The following DRAXIN variants were observed in gnomAD, a reference collection of about 807,000 sequenced individuals.
The protein encoded by DRAXIN is dorsal repulsive axon guidance protein.
In DRAXIN, 27 loss-of-function variants were observed where a neutral mutation model predicts 33.9. The observed-to-expected ratio is 0.80, with a 90% CI of 0.59 to 1.10. DRAXIN has a LOEUF of 1.10. Among genes scored for constraint, DRAXIN ranks in the 50% least tolerant of loss-of-function variants. DRAXIN has a pLI of 0.00. For synonymous variants in DRAXIN, 178 were observed against 194.0 expected (o/e 0.92, Z 0.69); for missense variants, 371 against 460.8 (o/e 0.81, Z 1.78).
rs149416607 is a variant in DRAXIN, at chr1:11,717,713, G to A, written c.938-1871G>A. ...GAAGTGGGCATTGGAGGCCAGGCGG[G>A]GTGGTTCATGCCTGTAATCCCAGCA... On this transcript the variant is annotated intron_variant, in intron 6 of 6. Transcript: ENST00000294485. 6.5e-3 allele frequency among the ~76,000 whole-genome samples: 953 copies of A among 147,322 alleles called. 6 individuals are homozygous for A. Among genetic ancestry groups the A allele is most frequent in the African/African-American group, 0.021 (822 of 39,832 alleles).
chr1:11,716,161 A>G (rs1442099746), intron 6 of DRAXIN, among the ~76,000 whole-genome samples: 3 of 152,120 alleles, frequency 2.0e-5, no homozygotes, highest in African/African-American at 7.2e-5. Flanking sequence ...GAGCCACCAC[A>G]CCCAGCCAGT....
chr1:11,688,771 T>C (rs1570297601), upstream of DRAXIN, among the ~76,000 whole-genome samples: 1 of 152,246 alleles, frequency 6.6e-6, no homozygotes, highest in East Asian at 1.9e-4. The surrounding 1 kb of genome is among the most constrained non-coding windows in gnomAD (Gnocchi z 4.6). Context: ...TATTCCCAGA[T>C]GGCTAAGGCA....
rs757992905 is a variant in DRAXIN, at chr1:11,709,263, C to T, written c.452-12C>T. Reference sequence around the variant, plus strand: ...CAGATATAGCCCCCGTGCTCCCCACCCTGTGTCTCAGGCCGAGCCTTGGTC... The same window carrying T: ...CAGATATAGCCCCCGTGCTCCCCACTCTGTGTCTCAGGCCGAGCCTTGGTC... On this transcript the variant is annotated splice_polypyrimidine_tract_variant and intron_variant, in intron 2 of 6. Transcript: ENST00000294485. 1.1e-5 allele frequency: 17 copies of T among 1,604,302 alleles called. No homozygotes were observed. The Admixed American group carries it at 2.4e-4, about 22-fold the overall frequency.
rs1641674306 is a variant in DRAXIN, at chr1:11,722,805, T to C, written c.*3109T>C. On this transcript the variant is annotated 3_prime_UTR_variant, in exon 7 of 7. Transcript: ENST00000294485. ...GTGAATTCTGTATACTTTTCACATG[T>C]CACAAAATATTATTCTCTCTTTCCT... 6.5e-6 allele frequency: 1 copy of C among 153,350 alleles called. No individual in the cohort carries two copies. The highest frequency in any genetic ancestry group is 1.5e-5 in the Non-Finnish European group (1 of 68,040). The allele number at this position is 153,350 out of a possible 1,614,324, so 9.5% of individuals were successfully genotyped here.
At chr1:11,688,043 AG>A (rs1274407363), upstream of DRAXIN, among the ~76,000 whole-genome samples, 1 of 152,186 alleles carries the variant, frequency 6.6e-6, no homozygotes. This position sits in a 1 kb window ranked among gnomAD's most constrained non-coding sequence, Gnocchi z 4.6. Flanking sequence ...TCACCCAGCC[AG>A]GGGACAGCCA....
intron 1 of DRAXIN, among the ~76,000 whole-genome samples, chr1:11,700,474 A>G (rs781090904): frequency 5.9e-4 from 90 of 152,248 alleles, no homozygotes; most frequent in Non-Finnish European, 1.0e-3. Context: ...CCAGAAGCCC[A>G]AGTTATGATG....
At chr1:11,700,033 T>C (rs1047652603) in intron 1 of DRAXIN, among the ~76,000 whole-genome samples, 1 of 151,934 alleles carries the variant, frequency 6.6e-6, no homozygotes, top group African/African-American at 2.4e-5. Flanking sequence ...GGTCAGGAGT[T>C]CAAGACCAGC....
intron 1 of DRAXIN, among the ~76,000 whole-genome samples, chr1:11,693,677 G>C (rs910015373): frequency 3.3e-5 from 5 of 152,174 alleles, no homozygotes; most frequent in Non-Finnish European, 5.9e-5. Context: ...CGACCTGGCA[G>C]ACAGGCCCTA....
At position 11,719,677 on chromosome 1, in the gene DRAXIN, G is replaced by A; in HGVS notation, c.1031G>A (p.Gly344Glu). 6.2e-7 allele frequency: 1 copy of A among 1,614,058 alleles called. No homozygotes were observed. Among genetic ancestry groups the A allele is most frequent in the Non-Finnish European group, 8.5e-7 (1 of 1,179,948 alleles). ...VEPETANGDQ[G>E]SFINV ...CCCGAGACGGCCAACGGCGACCAGG[G>A]ATCCTTCATCAACGTCTAGCGGCCC... is the stretch of plus-strand genomic sequence containing the variant. Residue 344 changes from glycine (G) to glutamate (E), a missense_variant, in exon 7 of 7, where the codon GGA becomes GAA. Coordinates refer to ENST00000294485, the MANE Select transcript of DRAXIN (RefSeq NM_198545.4).
At chr1:11,719,054 C>G (rs368973732) in intron 6 of DRAXIN, among the ~76,000 whole-genome samples, 4 of 152,144 alleles carry the variant, frequency 2.6e-5, no homozygotes, top group Non-Finnish European at 5.9e-5. Flanking sequence ...GCACCCACCA[C>G]CATGCCCGGG....
At chr1:11,699,173 A>G (rs969205208) in intron 1 of DRAXIN, among the ~76,000 whole-genome samples, 2 of 152,088 alleles carry the variant, frequency 1.3e-5, no homozygotes, top group Non-Finnish European at 2.9e-5. Context: ...GGACCACCTA[A>G]TCCAATGGCC....
intron 2 of DRAXIN, among the ~76,000 whole-genome samples, chr1:11,707,998 C>T (rs1179876532): frequency 6.6e-6 from 1 of 152,244 alleles, no homozygotes; most frequent in Non-Finnish European, 1.5e-5. Flanking sequence ...AACACCCCTT[C>T]TCGTGCAAAC....
upstream of DRAXIN, among the ~76,000 whole-genome samples, chr1:11,690,512 C>T (rs1464270058): frequency 6.6e-6 from 1 of 152,160 alleles, no homozygotes; most frequent in Non-Finnish European, 1.5e-5. This position sits in a 1 kb window ranked among gnomAD's most constrained non-coding sequence, Gnocchi z 4.2. Context: ...GCGACTTGCT[C>T]GAGGTCATAG....
chr1:11,718,471 T>A (rs1024289021), intron 6 of DRAXIN, among the ~76,000 whole-genome samples: 4 of 152,186 alleles, frequency 2.6e-5, no homozygotes, highest in African/African-American at 9.7e-5. Context: ...ATTTTATTTT[T>A]TAATTTTTTT....
intron 3 of DRAXIN, 120 bp downstream of exon 3, chr1:11,709,585 AGAT>A: frequency 4.1e-6 from 5 of 1,219,788 alleles, no homozygotes; most frequent in Non-Finnish European, 5.6e-6. Flanking sequence ...GAGCTTACTT[AGAT>A]TGAAACCAGA....
Position 11,711,980 on chromosome 1 carries a change from C to T in DRAXIN, c.757+15C>T. The stretch of plus-strand genomic sequence containing the variant: ...AAAGAAGAAAGGTATGCCCACCTAC[C>T]CCACTATCTTCCATGCCTGGGTGCC... On this transcript the variant is annotated intron_variant, in intron 4 of 6. Transcript: ENST00000294485. 1 of 1,604,920 alleles carries T rather than the reference C, an allele frequency of 6.2e-7. No homozygotes were observed. The highest frequency in any genetic ancestry group is 8.5e-7 in the Non-Finnish European group (1 of 1,174,708).
intron 3 of DRAXIN, 36 bp from the exon 4 acceptor site, chr1:11,711,815 G>A: frequency 6.3e-7 from 1 of 1,577,332 alleles, no homozygotes; most frequent in Non-Finnish European, 8.7e-7. Context: ...CCATGGATTT[G>A]AAGGTTCCAA....
Position 11,704,987 on chromosome 1 carries a change from G to C in DRAXIN, c.-10-1262G>C, listed in dbSNP as rs1046849358. 6.6e-6 allele frequency among the ~76,000 whole-genome samples: 1 copy of C among 152,176 alleles called. No homozygotes were observed. Among genetic ancestry groups the C allele is most frequent in the African/African-American group, 2.4e-5 (1 of 41,440 alleles). ...GCTTCGAGGGCACAGCAGTTTCCCTGCCCTACCACCCTCCCTCGGGGTCGG... is the reference window on the plus strand; with the variant it reads ...GCTTCGAGGGCACAGCAGTTTCCCTCCCCTACCACCCTCCCTCGGGGTCGG... On this transcript the variant is annotated intron_variant, in intron 1 of 6. Coordinates refer to ENST00000294485, the MANE Select transcript of DRAXIN (RefSeq NM_198545.4). This position sits in a 1 kb window ranked among gnomAD's most constrained non-coding sequence, Gnocchi z 4.6.
At chr1:11,702,351 G>A (rs1416638539) in intron 1 of DRAXIN, among the ~76,000 whole-genome samples, 1 of 136,288 alleles carries the variant, frequency 7.3e-6, no homozygotes, top group Non-Finnish European at 1.6e-5. Flanking sequence ...CACATACACT[G>A]ACAACACACA....
Sources: allele counts gnomAD v4.1 joint callset (sites outside exome capture counted in the v4.1 genomes callset), GRCh38; gene constraint gnomAD v4.1.1; non-coding constraint Gnocchi (gnomAD v3.1); transcripts MANE v1.5; gene names NCBI Gene and HGNC (gene_info 2026-07-23, HGNC 2026-07-21).